NRXN3: variants seen among roughly 807,000 people sequenced by gnomAD.
NRXN3 encodes the protein neurexin III.
NRXN3 carries 32 observed loss-of-function variants against 137.6 expected under a neutral mutation model. The observed-to-expected ratio is 0.23, with a 90% confidence interval of 0.18 to 0.31. The LOEUF is 0.31. Ranked by LOEUF, NRXN3 falls within the 10% of genes least tolerant of loss-of-function variation. NRXN3 has a pLI of 1.00. For synonymous variants in NRXN3, 798 were observed against 784.5 expected, an observed-to-expected ratio of 1.02 and a Z score of -0.29; for missense variants, 1,574 against 2,062.5, an observed-to-expected ratio of 0.76 and a Z score of 4.59.
chr14:78,566,857 A>G (rs566979322), intron 4 of NRXN3, among the ~76,000 whole-genome samples: 3 of 152,336 alleles, frequency 2.0e-5, no homozygotes, highest in East Asian at 3.9e-4. Flanking sequence ...GATTTGGCCC[A>G]GAGGAAGGAA....
intron 19 of NRXN3, among the ~76,000 whole-genome samples, chr14:79,774,636 A>G (rs1315062594): frequency 1.3e-5 from 2 of 152,168 alleles, no homozygotes; most frequent in African/African-American, 4.8e-5. Flanking sequence ...CAGTCTCTCC[A>G]TGGACTGGCC....
intron 4 of NRXN3, among the ~76,000 whole-genome samples, chr14:78,349,594 G>T (rs1460987068): frequency 4.6e-5 from 7 of 152,066 alleles, no homozygotes; most frequent in African/African-American, 1.7e-4. Context: ...AATTACATGC[G>T]GTCTAGTTAT....
chr14:79,678,921 G>A (rs964758263), intron 17 of NRXN3, among the ~76,000 whole-genome samples: 2 of 151,806 alleles, frequency 1.3e-5, no homozygotes, highest in African/African-American at 2.4e-5. Context: ...CAGGTCACCC[G>A]GTCCGTTTCC....
intron 8 of NRXN3, chr14:78,753,634 T>C (rs1307408333): frequency 6.6e-6 from 1 of 152,198 alleles, no homozygotes; most frequent in East Asian, 1.9e-4. Context: ...GTGATACATT[T>C]AGTCAGTCCC....
intron 16 of NRXN3, among the ~76,000 whole-genome samples, chr14:79,510,871 C>G (rs2096926163): frequency 6.6e-6 from 1 of 152,096 alleles, no homozygotes; most frequent in Non-Finnish European, 1.5e-5. Flanking sequence ...AAAAATAACT[C>G]CCAGCTCAAG....
intron 8 of NRXN3, among the ~76,000 whole-genome samples, chr14:78,747,408 C>T (rs2098614830): frequency 1.3e-5 from 2 of 151,992 alleles, no homozygotes; most frequent in Non-Finnish European, 2.9e-5. Context: ...GTGCAATAAG[C>T]TTTAGTGATC....
chr14:79,824,203 C>A (rs562584694), intron 20 of NRXN3, among the ~76,000 whole-genome samples: 1 of 152,210 alleles, frequency 6.6e-6, no homozygotes, highest in Non-Finnish European at 1.5e-5. Flanking sequence ...CTACCTCCCT[C>A]TTCCTCTTCT....
chr14:78,738,413 G>C (rs1001841145), intron 8 of NRXN3, among the ~76,000 whole-genome samples: 1 of 152,240 alleles, frequency 6.6e-6, no homozygotes, highest in Middle Eastern at 3.4e-3. Context: ...CTAGGTGGGG[G>C]AATGTCAGCT....
intron 14 of NRXN3, among the ~76,000 whole-genome samples, chr14:78,975,352 C>T (rs1476561774): frequency 5.3e-5 from 8 of 151,992 alleles, no homozygotes; most frequent in African/African-American, 1.5e-4. Context: ...GATGGATGAA[C>T]GATGGAAGCA....
intron 19 of NRXN3, among the ~76,000 whole-genome samples, chr14:79,782,401 A>G (rs1300871201): frequency 1.3e-5 from 2 of 152,198 alleles, no homozygotes; most frequent in Admixed American, 1.3e-4. Flanking sequence ...TGGATGAGTC[A>G]TGGTAAGACT....
intron 15 of NRXN3, among the ~76,000 whole-genome samples, chr14:79,390,339 A>G (rs2094804167): frequency 1.3e-5 from 2 of 150,880 alleles, no homozygotes; most frequent in Non-Finnish European, 3.0e-5. Flanking sequence ...AAAAACCTAC[A>G]TGAATTATTC....
chr14:78,587,166 GC>G (rs1175609965), intron 4 of NRXN3, among the ~76,000 whole-genome samples: 1 of 152,238 alleles, frequency 6.6e-6, no homozygotes. Flanking sequence ...GAGTCATGGA[GC>G]CCATGGGAGT....
chr14:78,474,589 C>T (rs554198234), intron 4 of NRXN3, among the ~76,000 whole-genome samples: 5 of 152,116 alleles, frequency 3.3e-5, no homozygotes, highest in African/African-American at 9.6e-5. Flanking sequence ...TTTTCTTGGT[C>T]TCAGAACACC....
At chr14:78,527,181 A>T (rs896680816) in intron 4 of NRXN3, among the ~76,000 whole-genome samples, 3 of 152,196 alleles carry the variant, frequency 2.0e-5, no homozygotes, top group African/African-American at 7.2e-5. Context: ...CTACAAATAA[A>T]TACCTGAGAC....
chr14:78,332,482 ATTTT>A (rs1476341519), intron 4 of NRXN3, among the ~76,000 whole-genome samples: 1 of 151,736 alleles, frequency 6.6e-6, no homozygotes, highest in Non-Finnish European at 1.5e-5. Flanking sequence ...CACCTGGCTA[ATTTT>A]TGTATTTTTA....
intron 7 of NRXN3, chr14:78,709,981 C>T: frequency 3.6e-6 from 1 of 277,902 alleles, no homozygotes; most frequent in Non-Finnish European, 6.8e-6. Flanking sequence ...GCCCCCATTG[C>T]CCCATTCTTT....
intron 16 of NRXN3, among the ~76,000 whole-genome samples, chr14:79,653,268 T>G (rs569525961): frequency 6.6e-6 from 1 of 152,272 alleles, no homozygotes; most frequent in East Asian, 1.9e-4. Context: ...TGCAGATGCA[T>G]TGGAGCCCTG....
At chr14:79,234,801 C>T (rs964717428) in intron 15 of NRXN3, among the ~76,000 whole-genome samples, 1 of 151,962 alleles carries the variant, frequency 6.6e-6, no homozygotes, top group African/African-American at 2.4e-5. Flanking sequence ...ATTCACTTGA[C>T]CATTCACTTT....
intron 15 of NRXN3, chr14:79,248,790 A>G (rs1425398759): frequency 6.6e-6 from 1 of 152,346 alleles, no homozygotes; most frequent in East Asian, 1.9e-4. Context: ...AGCTAGCTTA[A>G]GGGAAGAAGT....
Sources: gnomAD v4.1 joint callset for allele counts (sites outside exome capture counted in the v4.1 genomes callset) on GRCh38, gnomAD v4.1.1 for gene constraint, MANE v1.5 for transcripts, NCBI Gene and HGNC (gene_info 2026-07-23, HGNC 2026-07-21) for gene names.